DCAF17: variants seen among roughly 807,000 people sequenced by gnomAD.
The protein encoded by DCAF17 is DDB1 and CUL4 associated factor 17, also known as DDB1- and CUL4-associated factor 17.
Under a neutral mutation model 66.0 loss-of-function variants are expected in DCAF17, and 48 were observed. That is an observed-to-expected ratio of 0.73 (90% CI 0.58 to 0.92). The LOEUF is 0.92. DCAF17 is among the 40% of genes least tolerant of loss of function. DCAF17 has a pLI of 0.00. For synonymous variants in DCAF17, 206 were observed against 214.6 expected (o/e 0.96, Z 0.35); for missense variants, 562 against 622.8 (o/e 0.90, Z 1.04).
chr2:171,434,532 G>A lies in DCAF17; in HGVS notation c.-46G>A. The A allele has an allele frequency of 6.6e-7, 1 of 1,522,470 alleles. No individual in the cohort carries two copies. The highest frequency in any genetic ancestry group is 2.5e-5 in the East Asian group (1 of 40,330). The allele number at this position is 1,522,470 out of a possible 1,614,324, so 94.3% of individuals were successfully genotyped here. A position where few individuals can be genotyped will look rare whatever the true frequency, so the allele number is the denominator to read the frequency against. ...GCTGCCCAGCACGGGAGTGTGGGGC[G>A]CGCCACTCGGCGGCCCAGCCTACCC... On this transcript the variant is annotated 5_prime_UTR_variant, in exon 1 of 14. Coordinates refer to ENST00000375255, the MANE Select transcript of DCAF17 (RefSeq NM_025000.4).
chr2:171,481,184 T>C lies in DCAF17; in HGVS notation c.*70T>C. 38 of 1,588,200 alleles carry C rather than the reference T, an allele frequency of 2.4e-5. No individual in the cohort carries two copies. The highest frequency in any genetic ancestry group is 2.9e-5 in the Non-Finnish European group (33 of 1,157,584). ...CCCAGCAGCTGCGTCCAATCCATTT[T>C]ATTATCTGCATGGCACATTCTCCAG... is the stretch of plus-strand genomic sequence containing the variant. On this transcript the variant is annotated 3_prime_UTR_variant, in exon 14 of 14. Coordinates refer to ENST00000375255, the MANE Select transcript of DCAF17 (RefSeq NM_025000.4).
At position 171,483,018 on chromosome 2, in the gene DCAF17, T is replaced by G; in HGVS notation, c.*1904T>G. The G allele has an allele frequency of 2.2e-6, 1 of 454,140 alleles. No homozygotes were observed. Among genetic ancestry groups the G allele is most frequent in the South Asian group, 1.6e-5 (1 of 64,480 alleles). The allele number at this position is 454,140 out of a possible 1,614,324, so 28.1% of individuals were successfully genotyped here. A position where few individuals can be genotyped will look rare whatever the true frequency, so the allele number is the denominator to read the frequency against. The stretch of plus-strand genomic sequence containing the variant: ...ACTAAAAGGAGCAGCTGCTACTGCT[T>G]AGTTTCAGCCAGTTGCAACAGTATG... On this transcript the variant is annotated 3_prime_UTR_variant, in exon 14 of 14. Transcript: ENST00000375255.
chr2:171,481,130 T>A lies in DCAF17; in HGVS notation c.*16T>A, dbSNP rs529368169. On this transcript the variant is annotated 3_prime_UTR_variant, in exon 14 of 14. Coordinates refer to ENST00000375255, the MANE Select transcript of DCAF17 (RefSeq NM_025000.4). Reference sequence around the variant, plus strand: ...AAGCTGTTAAAAAGAGTGAGATAATTGTAACCTAAGAGACTTTTAGCCAAA... The same window carrying A: ...AAGCTGTTAAAAAGAGTGAGATAATAGTAACCTAAGAGACTTTTAGCCAAA... 1 of 1,613,302 alleles carries A rather than the reference T, an allele frequency of 6.2e-7. No homozygotes were observed. The highest frequency in any genetic ancestry group is 1.1e-5 in the South Asian group (1 of 91,078).
Position 171,434,674 on chromosome 2 carries a change from CT to C in DCAF17, c.98del (p.Leu33ArgfsTer27). 6.6e-7 allele frequency: 1 copy of C among 1,509,612 alleles called. No homozygotes were observed. 93.5% of individuals were successfully genotyped at this position (1,509,612 alleles called of 1,614,324 possible). ...CGCAGGCGTGGTGCAGAGGACCAAC[CT>C]GGGCATCCTGCGGGCGCTGGTGTGC... is the stretch of plus-strand genomic sequence containing the variant. ...RDAGVVQRTN[L>X]GILRALVCQE... On this transcript the variant is annotated frameshift_variant, in exon 1 of 14. Coordinates refer to ENST00000375255, the MANE Select transcript of DCAF17 (RefSeq NM_025000.4). LOFTEE classifies it high-confidence loss of function.
chr2:171,434,296 C>T lies in DCAF17; in HGVS notation c.-282C>T. 3.4e-6 allele frequency: 2 copies of T among 596,214 alleles called. No homozygotes were observed. Among genetic ancestry groups the T allele is most frequent in the Non-Finnish European group, 6.2e-6 (2 of 322,054 alleles). 36.9% of individuals were successfully genotyped at this position (596,214 alleles called of 1,614,324 possible). The stretch of plus-strand genomic sequence containing the variant: ...GTGAGAGAGCGGCTCCGGCCGGCCG[C>T]GCGGTACCGGAGCGTCGCACTGTCA... On this transcript the variant is annotated 5_prime_UTR_variant, in exon 1 of 14. Coordinates refer to ENST00000375255, the MANE Select transcript of DCAF17 (RefSeq NM_025000.4).
intron 8 of DCAF17, among the ~76,000 whole-genome samples, chr2:171,466,066 G>A (rs1695880745): frequency 6.6e-6 from 1 of 151,768 alleles, no homozygotes; most frequent in African/African-American, 2.4e-5. Flanking sequence ...GTTTTGCCAT[G>A]TTGCCCAGGC....
chr2:171,443,670 GTTA>G (rs1694446723), intron 3 of DCAF17, 57 bp downstream of exon 3: 7 of 1,406,064 alleles, frequency 5.0e-6, no homozygotes, highest in Admixed American at 1.7e-5. Flanking sequence ...AGAAGAACCA[GTTA>G]TTATTAACAT....
chr2:171,458,603 A>G, intron 8 of DCAF17, 126 bp downstream of exon 8: 3 of 736,474 alleles, frequency 4.1e-6, no homozygotes, highest in Non-Finnish European at 6.8e-6. Context: ...TTACTCCTAT[A>G]CATCATGTGC....
intron 4 of DCAF17, 74 bp downstream of exon 4, chr2:171,448,891 CT>C: frequency 5.1e-6 from 7 of 1,380,680 alleles, no homozygotes; most frequent in Admixed American, 1.8e-5. Flanking sequence ...AATTTCAAGC[CT>C]TTTTTCCCTG....
intron 8 of DCAF17, among the ~76,000 whole-genome samples, chr2:171,459,081 G>A (rs1444917578): frequency 2.0e-5 from 3 of 152,020 alleles, no homozygotes; most frequent in Non-Finnish European, 4.4e-5. Context: ...AGGCTGAGGC[G>A]GGCGGATCAC....
Position 171,473,981 on chromosome 2 carries a change from T to C in DCAF17, c.1091+6T>C. Reference sequence around the variant, plus strand: ...GTTGGTCCAAATCAAGTCAAGTGAGTAATCTCATTAGCACTTGAAAGTTAA... The same window carrying C: ...GTTGGTCCAAATCAAGTCAAGTGAGCAATCTCATTAGCACTTGAAAGTTAA... On this transcript the variant is annotated splice_donor_region_variant and intron_variant, in intron 10 of 13. Coordinates refer to ENST00000375255, the MANE Select transcript of DCAF17 (RefSeq NM_025000.4). 1 of 1,601,390 alleles carries C rather than the reference T, an allele frequency of 6.2e-7. No homozygotes were observed. The highest frequency in any genetic ancestry group is 2.2e-5 in the East Asian group (1 of 44,722).
At position 171,434,517 on chromosome 2, in the gene DCAF17, A is replaced by G. The variant is rs936511743; in HGVS notation, c.-61A>G. 1 of 1,523,466 alleles carries G rather than the reference A, an allele frequency of 6.6e-7. No individual in the cohort carries two copies. The highest frequency in any genetic ancestry group is 2.0e-5 in the Admixed American group (1 of 50,578). The allele number at this position is 1,523,466 out of a possible 1,614,324, so 94.4% of individuals were successfully genotyped here. A position where few individuals can be genotyped will look rare whatever the true frequency, so the allele number is the denominator to read the frequency against. ...TCGAAGGCAGCGGCGGCTGCCCAGC[A>G]CGGGAGTGTGGGGCGCGCCACTCGG... On this transcript the variant is annotated 5_prime_UTR_variant, in exon 1 of 14. Coordinates refer to ENST00000375255, the MANE Select transcript of DCAF17 (RefSeq NM_025000.4).
chr2:171,480,845 C>G, intron 13 of DCAF17, 129 bp from the exon 14 acceptor site: 1 of 1,181,526 alleles, frequency 8.5e-7, no homozygotes, highest in Non-Finnish European at 1.2e-6. Flanking sequence ...AAATAAACCT[C>G]TTTCTAGCAA....
Position 171,483,676 on chromosome 2 carries a change from C to G in DCAF17, c.*2562C>G. 1 of 453,812 alleles carries G rather than the reference C, an allele frequency of 2.2e-6. No individual in the cohort carries two copies. The allele number at this position is 453,812 out of a possible 1,614,324, so 28.1% of individuals were successfully genotyped here. A position where few individuals can be genotyped will look rare whatever the true frequency, so the allele number is the denominator to read the frequency against. Reference sequence around the variant, plus strand: ...TTTTTTAAATAATATATTTATTGAGCACTTTCTATCTACTAGTCACTGTGA... The same window carrying G: ...TTTTTTAAATAATATATTTATTGAGGACTTTCTATCTACTAGTCACTGTGA... On this transcript the variant is annotated 3_prime_UTR_variant, in exon 14 of 14. Coordinates refer to ENST00000375255, the MANE Select transcript of DCAF17 (RefSeq NM_025000.4).
intron 2 of DCAF17, 76 bp from the exon 3 acceptor site, chr2:171,443,441 GAATAAA>G: frequency 8.5e-7 from 1 of 1,183,310 alleles, no homozygotes; most frequent in Non-Finnish European, 1.2e-6. Context: ...TCACATCTCT[GAATAAA>G]AATAGTCTCT....
intron 2 of DCAF17, among the ~76,000 whole-genome samples, chr2:171,439,028 T>C (rs546836512): frequency 1.1e-4 from 17 of 152,094 alleles, no homozygotes; most frequent in African/African-American, 4.1e-4. Flanking sequence ...CAGAACACTT[T>C]AGGTATTTAT....
chr2:171,477,957 C>G lies in DCAF17; in HGVS notation c.1183-30C>G, dbSNP rs200237165. On this transcript the variant is annotated intron_variant, in intron 11 of 13. Transcript: ENST00000375255. ...TTTGACTGCATGTAATAGAACTTGT[C>G]ATATCTTTTTATTTCTTTCCATATG... The G allele has an allele frequency of 5.1e-6, 8 of 1,583,816 alleles. No homozygotes were observed. The East Asian group carries it at 1.8e-4, about 35-fold the overall frequency.
intron 6 of DCAF17, among the ~76,000 whole-genome samples, chr2:171,453,504 C>A (rs950591019): frequency 2.0e-5 from 3 of 151,642 alleles, no homozygotes; most frequent in Admixed American, 6.6e-5. Flanking sequence ...CCAGAAGGAA[C>A]ATTCCAAAGC....
intron 11 of DCAF17, among the ~76,000 whole-genome samples, chr2:171,477,545 G>C (rs1409734887): frequency 6.6e-6 from 1 of 152,114 alleles, no homozygotes; most frequent in African/African-American, 2.4e-5. Context: ...TGTAATCTCA[G>C]CACTTTGGAA....
Sources: allele counts gnomAD v4.1 joint callset (sites outside exome capture counted in the v4.1 genomes callset), GRCh38; gene constraint gnomAD v4.1.1; transcripts MANE v1.5; gene names NCBI Gene and HGNC (gene_info 2026-07-23, HGNC 2026-07-21).